Variants in ADAMTS18 observed in about 807,000 individuals in gnomAD.
The protein encoded by ADAMTS18 is A disintegrin and metalloproteinase with thrombospondin motifs 18.
ADAMTS18 carries 157 observed loss-of-function variants against 165.9 expected under a neutral mutation model. The observed-to-expected ratio is 0.95, with a 90% CI of 0.83 to 1.08. The LOEUF (loss-of-function observed/expected upper bound fraction) is 1.08, where lower values mean the gene tolerates loss of function less well. Among genes scored for constraint, ADAMTS18 ranks in the 50% least tolerant of loss-of-function variants. The pLI is 0.00. For missense variants in ADAMTS18, 2,040 were observed against 1,534.0 expected (o/e 1.33, Z -5.51); for synonymous variants, 782 against 578.2 (o/e 1.35, Z -5.06).
At chr16:77,320,151 C>G in intron 15 of ADAMTS18, 58 bp from the exon 16 acceptor site, 1 of 1,605,344 alleles carries the variant, frequency 6.2e-7, no homozygotes, top group South Asian at 1.1e-5. Flanking sequence ...AGAAAAGGGA[C>G]TAGAAATGGC....
chr16:77,289,732 C>T (rs1018935163), intron 21 of ADAMTS18, among the ~76,000 whole-genome samples: 24 of 152,204 alleles, frequency 1.6e-4, no homozygotes, highest in African/African-American at 5.5e-4. Flanking sequence ...AATACAGACA[C>T]ACCTAGGGAG....
chr16:77,337,230 G>C (rs2056324237), intron 11 of ADAMTS18, among the ~76,000 whole-genome samples: 1 of 152,122 alleles, frequency 6.6e-6, no homozygotes, highest in Non-Finnish European at 1.5e-5. Flanking sequence ...TGAGGATTTT[G>C]CCTACCATAA....
At chr16:77,394,561 A>G (rs1391952028) in intron 3 of ADAMTS18, among the ~76,000 whole-genome samples, 1 of 152,204 alleles carries the variant, frequency 6.6e-6, no homozygotes, top group African/African-American at 2.4e-5. Context: ...TCAGTATTTA[A>G]AAATACCTTA....
chr16:77,417,471 G>GC (rs2057545406), intron 3 of ADAMTS18, among the ~76,000 whole-genome samples: 1 of 152,174 alleles, frequency 6.6e-6, no homozygotes, highest in Non-Finnish European at 1.5e-5. Flanking sequence ...TTATATAAAT[G>GC]CCAGTGTACT....
At chr16:77,417,000 C>T (rs1214703862) in intron 3 of ADAMTS18, among the ~76,000 whole-genome samples, 1 of 152,168 alleles carries the variant, frequency 6.6e-6, no homozygotes, top group Non-Finnish European at 1.5e-5. Context: ...ATGAAGGGCA[C>T]AGAGGCAGTT....
intron 16 of ADAMTS18, among the ~76,000 whole-genome samples, chr16:77,314,778 A>ATATATATATATATATATATATGTATG (rs1366859577): frequency 2.3e-5 from 2 of 85,512 alleles, no homozygotes; most frequent in Non-Finnish European, 4.9e-5. Flanking sequence ...ATATATATAT[A>ATATATATATATATATATATATGTATG]TATATATAAA....
chr16:77,412,297 A>C (rs1256716757), intron 3 of ADAMTS18, among the ~76,000 whole-genome samples: 1 of 152,110 alleles, frequency 6.6e-6, no homozygotes, highest in Non-Finnish European at 1.5e-5. Context: ...CAGTCTTTAT[A>C]ACGCATGAGT....
intron 10 of ADAMTS18, among the ~76,000 whole-genome samples, chr16:77,347,832 G>A (rs2056500044): frequency 6.6e-6 from 1 of 152,104 alleles, no homozygotes; most frequent in African/African-American, 2.4e-5. Flanking sequence ...GTGCTACCCA[G>A]ATCCAATTTT....
At chr16:77,306,246 G>A (rs1188800270) in intron 16 of ADAMTS18, among the ~76,000 whole-genome samples, 1 of 152,122 alleles carries the variant, frequency 6.6e-6, no homozygotes, top group African/African-American at 2.4e-5. Context: ...GATGTTTAAT[G>A]TCTACCTTTA....
At position 77,291,129 on chromosome 16, in the gene ADAMTS18, A is replaced by G; in HGVS notation, c.3402+137T>C. 4 of 950,290 alleles carry G rather than the reference A, an allele frequency of 4.2e-6. No individual in the cohort carries two copies. In the South Asian group the frequency reaches 5.7e-5, roughly 14 times the overall value. 58.9% of individuals were successfully genotyped at this position (950,290 alleles called of 1,614,324 possible). On this transcript the variant is annotated intron_variant, in intron 21 of 22. Coordinates refer to ENST00000282849, the MANE Select transcript of ADAMTS18 (RefSeq NM_199355.4). ...TGCCCAGGGCCAAAGAACAAAACCC[A>G]TTCTGCCTTCAGAACTTGAGCCCTT...
Position 77,337,536 on chromosome 16 carries a change from G to C in ADAMTS18, c.1711-1632C>G, listed in dbSNP as rs148618846. Among the ~76,000 whole-genome samples the C allele has an allele frequency of 1.8e-3, 272 of 152,308 alleles. 1 individual carries two copies. The highest frequency in any genetic ancestry group is 6.1e-3 in the African/African-American group (252 of 41,558). On this transcript the variant is annotated intron_variant, in intron 11 of 22. Coordinates refer to ENST00000282849, the MANE Select transcript of ADAMTS18 (RefSeq NM_199355.4). ...CAGATCTATTCAAATAACTATGCAA[G>C]TATAAGAGACTGGATTTAACTCAGT...
Position 77,431,601 on chromosome 16 carries a change from A to G in ADAMTS18, c.189T>C (p.Phe63=). ...CTGAGTCTACTTCTACTGGCGTGACAAAGACGTAATCTGCAATGGGAAAAG... is the reference window on the plus strand; with the variant it reads ...CTGAGTCTACTTCTACTGGCGTGACGAAGACGTAATCTGCAATGGGAAAAG... ...GASGLNDDYV[F]VTPVEVDSAG... is the part of the protein sequence containing the mutation. The change falls in exon 3 of 23, where the codon TTT becomes TTC. Residue 63 remains phenylalanine (F), a synonymous_variant. Coordinates refer to ENST00000282849, the MANE Select transcript of ADAMTS18 (RefSeq NM_199355.4). The G allele has an allele frequency of 6.2e-7, 1 of 1,614,018 alleles. No homozygotes were observed. The highest frequency in any genetic ancestry group is 1.1e-5 in the South Asian group (1 of 91,076).
At chr16:77,362,599 T>G (rs1270646548) in intron 6 of ADAMTS18, among the ~76,000 whole-genome samples, 1 of 152,104 alleles carries the variant, frequency 6.6e-6, no homozygotes, top group Non-Finnish European at 1.5e-5. Context: ...AATGATGAAG[T>G]TCAATGGCTT....
intron 22 of ADAMTS18, among the ~76,000 whole-genome samples, chr16:77,284,957 T>C (rs1260084621): frequency 1.3e-5 from 2 of 151,068 alleles, no homozygotes; most frequent in African/African-American, 4.9e-5. Context: ...TCCAACAGTC[T>C]GTGTAGGTTT....
intron 12 of ADAMTS18, among the ~76,000 whole-genome samples, chr16:77,327,656 T>C (rs1361412770): frequency 1.3e-5 from 2 of 152,218 alleles, no homozygotes; most frequent in African/African-American, 4.8e-5. Context: ...CCTCATCATA[T>C]TAGCCCCTGT....
intron 3 of ADAMTS18, among the ~76,000 whole-genome samples, chr16:77,398,208 T>C (rs965820541): frequency 5.3e-5 from 8 of 151,986 alleles, no homozygotes; most frequent in African/African-American, 1.7e-4. Flanking sequence ...TCCCAGCTGC[T>C]TGGGAGCCTG....
chr16:77,402,927 C>G (rs2057349336), intron 3 of ADAMTS18, among the ~76,000 whole-genome samples: 1 of 152,182 alleles, frequency 6.6e-6, no homozygotes, highest in Admixed American at 6.5e-5. Flanking sequence ...CACAACCTCT[C>G]TCAAATACAC....
At chr16:77,328,378 T>C (rs984302596) in intron 12 of ADAMTS18, among the ~76,000 whole-genome samples, 1 of 152,130 alleles carries the variant, frequency 6.6e-6, no homozygotes, top group Non-Finnish European at 1.5e-5. Flanking sequence ...TGATTAAAAT[T>C]CCTTGTCTCT....
At chr16:77,309,974 G>T (rs977902689) in intron 16 of ADAMTS18, among the ~76,000 whole-genome samples, 1 of 152,132 alleles carries the variant, frequency 6.6e-6, no homozygotes, top group African/African-American at 2.4e-5. Flanking sequence ...GCTATTTGCT[G>T]TACTTAACTT....
Sources: gnomAD v4.1 joint callset for allele counts (sites outside exome capture counted in the v4.1 genomes callset) on GRCh38, gnomAD v4.1.1 for gene constraint, MANE v1.5 for transcripts, NCBI Gene and HGNC (gene_info 2026-07-23, HGNC 2026-07-21) for gene names.